The following RYR1 variants were observed in gnomAD, a reference collection of about 807,000 sequenced individuals.
RYR1 encodes the protein ryanodine receptor 1.
In RYR1, 342 loss-of-function variants were observed where a neutral mutation model predicts 583.5. That is an observed-to-expected ratio of 0.59 (90% confidence interval 0.54 to 0.64). RYR1 has a LOEUF of 0.64. Ranked by LOEUF, RYR1 falls within the 30% of genes least tolerant of loss-of-function variation. The pLI is 0.00. For missense variants in RYR1, 6,032 were observed against 6,917.2 expected, an observed-to-expected ratio of 0.87 and a Z score of 4.54; for synonymous variants, 2,791 against 2,822.5, an observed-to-expected ratio of 0.99 and a Z score of 0.35.
intron 33 of RYR1, among the ~76,000 whole-genome samples, chr19:38,485,040 TAACA>T (rs985864746): frequency 4.6e-5 from 7 of 151,876 alleles, no homozygotes; most frequent in South Asian, 2.1e-4. Flanking sequence ...GCTGGGAATA[TAACA>T]AACAAAAGCA....
intron 87 of RYR1, among the ~76,000 whole-genome samples, chr19:38,545,734 C>T (rs1044354729): frequency 6.6e-6 from 1 of 151,936 alleles, no homozygotes; most frequent in Non-Finnish European, 1.5e-5. Flanking sequence ...TTGCTTGAAC[C>T]TGGGAGGCAG....
At chr19:38,525,695 G>A (rs1480865873) in intron 71 of RYR1, among the ~76,000 whole-genome samples, 193 bp downstream of exon 71, 1 of 151,804 alleles carries the variant, frequency 6.6e-6, no homozygotes, top group Non-Finnish European at 1.5e-5. Flanking sequence ...TGAGGACCCC[G>A]TTCAAGATAT....
chr19:38,461,721 GAAAAAAA>G (rs34209906), intron 20 of RYR1, among the ~76,000 whole-genome samples: 3 of 75,108 alleles, frequency 4.0e-5, no homozygotes, highest in African/African-American at 1.1e-4. Context: ...GCAAAACCCT[GAAAAAAA>G]AAAAAAAAAA....
chr19:38,473,352 A>C, intron 27 of RYR1, 25 bp from the exon 28 acceptor site: 1 of 1,613,522 alleles, frequency 6.2e-7, no homozygotes, highest in Non-Finnish European at 8.5e-7. Context: ...TGCCCAGCCC[A>C]GTACTCCATT....
intron 93 of RYR1, among the ~76,000 whole-genome samples, chr19:38,568,939 G>A (rs1371000827): frequency 6.6e-6 from 1 of 152,194 alleles, no homozygotes; most frequent in Non-Finnish European, 1.5e-5. Context: ...GAAGTCCAAG[G>A]TAGGAGGATC....
intron 101 of RYR1, among the ~76,000 whole-genome samples, chr19:38,582,359 T>C (rs971235451): frequency 2.7e-5 from 4 of 150,822 alleles, no homozygotes; most frequent in African/African-American, 9.8e-5. Context: ...ATTGCGCCAC[T>C]GCACTCCAGC....
chr19:38,548,477 C>A, intron 89 of RYR1, 57 bp downstream of exon 89: 1 of 1,559,392 alleles, frequency 6.4e-7, no homozygotes, highest in Non-Finnish European at 8.8e-7. Context: ...AAGGGCCAGC[C>A]ATACCCTTCT....
rs764204531 is a variant in RYR1 at position 38,502,528 on chromosome 19, A to ATGGCGC, written c.7645_7650dup (p.Ala2549_Leu2550dup). ...CTAGGCCACTTTCAGCACCACCGAGATGGCGCTGGCGCTGAACCGCTACCT... is the reference window on the plus strand; with the variant it reads ...CTAGGCCACTTTCAGCACCACCGAGATGGCGCTGGCGCTGGCGCTGAACCGCTACCT... On this transcript the variant is annotated inframe_insertion, in exon 48 of 106. Coordinates refer to ENST00000359596, the MANE Select transcript of RYR1 (RefSeq NM_000540.3). 6 of 1,608,952 alleles carry ATGGCGC rather than the reference A, an allele frequency of 3.7e-6. No individual in the cohort carries two copies. The highest frequency in any genetic ancestry group is 2.2e-5 in the East Asian group (1 of 44,850).
intron 18 of RYR1, among the ~76,000 whole-genome samples, chr19:38,458,669 GGCTGGAGT>G (rs1967560821): frequency 6.6e-6 from 1 of 152,044 alleles, no homozygotes; most frequent in Non-Finnish European, 1.5e-5. Context: ...CTGTCTCCTA[GGCTGGAGT>G]GCAGTAGCAT....
At chr19:38,488,088 A>T (rs1969378974) in intron 34 of RYR1, among the ~76,000 whole-genome samples, 1 of 152,120 alleles carries the variant, frequency 6.6e-6, no homozygotes, top group Admixed American at 6.5e-5. Context: ...AAGTACTGTG[A>T]TTACAGGTGT....
intron 20 of RYR1, among the ~76,000 whole-genome samples, chr19:38,462,054 CA>C (rs1435123766): frequency 3.3e-5 from 5 of 152,106 alleles, no homozygotes; most frequent in African/African-American, 1.2e-4. Flanking sequence ...GACTCCATCT[CA>C]AAAGAAGAAA....
intron 47 of RYR1, among the ~76,000 whole-genome samples, chr19:38,502,209 A>G (rs1970153543): frequency 6.6e-6 from 1 of 152,088 alleles, no homozygotes; most frequent in Admixed American, 6.5e-5. Context: ...GAGAGGAGAT[A>G]AGCGTGCAGA....
chr19:38,511,429 T>A (rs1308826366), intron 60 of RYR1, 132 bp from the exon 61 acceptor site: 1 of 906,106 alleles, frequency 1.1e-6, no homozygotes, highest in East Asian at 2.4e-5. Context: ...CTCCATCATT[T>A]GGACCCCCTC....
At chr19:38,576,968 C>T (rs1208345901) in intron 97 of RYR1, among the ~76,000 whole-genome samples, 1 of 152,034 alleles carries the variant, frequency 6.6e-6, no homozygotes, top group African/African-American at 2.4e-5. Context: ...TCACTGCAAC[C>T]TCCACCTCCC....
intron 100 of RYR1, 116 bp downstream of exon 100, chr19:38,580,244 A>G (rs1974137974): frequency 1.4e-5 from 23 of 1,587,540 alleles, no homozygotes; most frequent in Non-Finnish European, 1.9e-5. Flanking sequence ...AGGTGCGCTG[A>G]GCCGGGGGTG....
At chr19:38,546,166 A>G (rs904571403) in intron 87 of RYR1, among the ~76,000 whole-genome samples, 1 of 151,630 alleles carries the variant, frequency 6.6e-6, no homozygotes, top group African/African-American at 2.4e-5. Flanking sequence ...CTCTGCCCCA[A>G]ATGTCTGCCC....
intron 27 of RYR1, among the ~76,000 whole-genome samples, chr19:38,470,298 T>A (rs1968354160): frequency 6.6e-6 from 1 of 151,484 alleles, no homozygotes; most frequent in South Asian, 2.1e-4. Flanking sequence ...CTTAGCTGGG[T>A]GCTGTGGCAC....
At chr19:38,463,562 T>G in intron 21 of RYR1, 35 bp downstream of exon 21, 18 of 1,578,458 alleles carry the variant, frequency 1.1e-5, no homozygotes, top group Non-Finnish European at 1.5e-5. Context: ...GGAGGCCGGC[T>G]AGACTTGCGG....
Position 38,499,977 on chromosome 19 carries a change from C to T in RYR1, c.7284C>T (p.Ala2428=), listed in dbSNP as rs1970032537. The stretch of plus-strand genomic sequence containing the variant: ...ACGCCATCATGTCCTTCTATGCCGC[C>T]TTGATCGACCTGCTCGGACGCTGTG... The part of the protein sequence containing the change: ...LGHAIMSFYA[A]LIDLLGRCAP... Residue 2428 remains alanine (A), a synonymous_variant, in exon 45 of 106, where the codon GCC becomes GCT. Transcript: ENST00000359596. This position sits in a 1 kb window ranked among gnomAD's most constrained non-coding sequence, Gnocchi z 7.3. 1 of 1,614,194 alleles carries T rather than the reference C, an allele frequency of 6.2e-7. No homozygotes were observed. Among genetic ancestry groups the T allele is most frequent in the Non-Finnish European group, 8.5e-7 (1 of 1,180,022 alleles).
Sources: allele counts gnomAD v4.1 joint callset (sites outside exome capture counted in the v4.1 genomes callset), GRCh38; gene constraint gnomAD v4.1.1; non-coding constraint Gnocchi (gnomAD v3.1); transcripts MANE v1.5; gene names NCBI Gene and HGNC (gene_info 2026-07-23, HGNC 2026-07-21).